CENPW: variants seen among roughly 807,000 people sequenced by gnomAD.
CENPW encodes the protein cancer-up-regulated gene 2 protein.
CENPW carries 3 observed loss-of-function variants against 11.1 expected under a neutral mutation model. The ratio of observed to expected loss-of-function variants is 0.27; its 90% confidence interval spans 0.12 to 0.70. CENPW has a LOEUF of 0.70. Among genes scored for constraint, CENPW ranks in the 30% least tolerant of loss-of-function variants. The pLI is 0.77. For synonymous variants in CENPW, 38 were observed against 42.0 expected (o/e 0.91, Z 0.37); for missense variants, 100 against 105.6 (o/e 0.95, Z 0.23).
chr6:126,413,216 A>G, the CENPW span, among the ~76,000 whole-genome samples: 1 of 152,196 alleles, frequency 6.6e-6, no homozygotes, highest in South Asian at 2.1e-4. Flanking sequence ...TTGGACATCC[A>G]TAACCAGGAA....
chr6:126,389,519 A>C, the CENPW span, among the ~76,000 whole-genome samples: 4 of 151,900 alleles, frequency 2.6e-5, no homozygotes, highest in Admixed American at 6.6e-5. Flanking sequence ...GCCTGTGAAT[A>C]CTAGTTTACA....
the CENPW span, among the ~76,000 whole-genome samples, chr6:126,459,456 G>A: frequency 6.6e-6 from 1 of 151,526 alleles, no homozygotes; most frequent in Non-Finnish European, 1.5e-5. Flanking sequence ...AATAAGATTA[G>A]AAAGTATCTA....
the CENPW span, among the ~76,000 whole-genome samples, chr6:126,455,050 C>T: frequency 4.0e-5 from 6 of 151,266 alleles, no homozygotes; most frequent in Non-Finnish European, 7.4e-5. Context: ...AGACCAATAA[C>T]GAGTTCCAAA....
chr6:126,375,817 C>G, the CENPW span, among the ~76,000 whole-genome samples: 1 of 152,132 alleles, frequency 6.6e-6, no homozygotes, highest in African/African-American at 2.4e-5. Flanking sequence ...GCCATCCAAT[C>G]CTTTACTCCT....
chr6:126,473,598 T>A, the CENPW span, among the ~76,000 whole-genome samples: 1 of 151,858 alleles, frequency 6.6e-6, no homozygotes, highest in Non-Finnish European at 1.5e-5. Context: ...TGGGTGGCAG[T>A]GGCACATGCT....
chr6:126,392,217 T>A, the CENPW span, among the ~76,000 whole-genome samples: 1 of 151,980 alleles, frequency 6.6e-6, no homozygotes, highest in African/African-American at 2.4e-5. Context: ...TGGTATTTAA[T>A]TTTATTTGTG....
At chr6:126,405,891 TG>T in the CENPW span, among the ~76,000 whole-genome samples, 14 of 151,732 alleles carry the variant, frequency 9.2e-5, no homozygotes, top group African/African-American at 2.4e-4. Flanking sequence ...GATTTTTTTG[TG>T]GGGGGGGTCT....
the CENPW span, among the ~76,000 whole-genome samples, chr6:126,366,149 ACT>A: frequency 6.6e-6 from 1 of 152,110 alleles, no homozygotes; most frequent in South Asian, 2.1e-4. Context: ...AAAACATTGG[ACT>A]CTAATATATG....
At chr6:126,455,173 CTA>C in the CENPW span, among the ~76,000 whole-genome samples, 2 of 151,296 alleles carry the variant, frequency 1.3e-5, no homozygotes, top group South Asian at 4.1e-4. Context: ...CCTATTGAAA[CTA>C]TTCTAAAAAA....
intron 1 of CENPW, among the ~76,000 whole-genome samples, chr6:126,341,480 C>G (rs1411249687): frequency 6.6e-6 from 1 of 152,142 alleles, no homozygotes. Flanking sequence ...ATAGAATTAT[C>G]GCCCCTTTCC....
the CENPW span, among the ~76,000 whole-genome samples, chr6:126,407,982 G>T: frequency 3.3e-5 from 5 of 152,040 alleles, no homozygotes; most frequent in Non-Finnish European, 7.4e-5. Flanking sequence ...TGCTTTTGGT[G>T]TTTTCGTCAT....
the CENPW span, among the ~76,000 whole-genome samples, chr6:126,474,614 A>C: frequency 6.6e-6 from 1 of 152,164 alleles, no homozygotes; most frequent in South Asian, 2.1e-4. Flanking sequence ...GCTGTAAGCC[A>C]CTATCATTCT....
At chr6:126,451,649 A>C in the CENPW span, among the ~76,000 whole-genome samples, 1 of 151,044 alleles carries the variant, frequency 6.6e-6, no homozygotes, top group African/African-American at 2.4e-5. Flanking sequence ...CCTTCTGATC[A>C]GTGGAGGCAT....
At chr6:126,340,440 G>C (rs777804656) in intron 1 of CENPW, 41 bp downstream of exon 1, 1 of 1,614,034 alleles carries the variant, frequency 6.2e-7, no homozygotes, top group East Asian at 2.2e-5. Flanking sequence ...TGGGGCACGG[G>C]AGAGGTAAGG....
the CENPW span, among the ~76,000 whole-genome samples, chr6:126,357,276 C>T: frequency 7.2e-5 from 11 of 152,084 alleles, no homozygotes; most frequent in African/African-American, 2.7e-4. Flanking sequence ...CTATTCTGTT[C>T]CATTGGTCTA....
chr6:126,393,225 T>A, the CENPW span, among the ~76,000 whole-genome samples: 1 of 151,828 alleles, frequency 6.6e-6, no homozygotes, highest in African/African-American at 2.4e-5. Context: ...GTTTATGTTT[T>A]AAAAAAATTA....
At chr6:126,349,171 CTT>C (rs979198910), downstream of CENPW, among the ~76,000 whole-genome samples, 1 of 151,936 alleles carries the variant, frequency 6.6e-6, no homozygotes, top group Non-Finnish European at 1.5e-5. Flanking sequence ...TTACTTTTAA[CTT>C]TTTATTTAGA....
the CENPW span, among the ~76,000 whole-genome samples, chr6:126,412,260 T>C: frequency 3.3e-5 from 5 of 151,626 alleles, no homozygotes; most frequent in Non-Finnish European, 7.4e-5. Context: ...AATGCTGAGA[T>C]TACAGGCATG....
At chr6:126,475,792 T>C in the CENPW span, among the ~76,000 whole-genome samples, 1 of 152,072 alleles carries the variant, frequency 6.6e-6, no homozygotes, top group Non-Finnish European at 1.5e-5. Context: ...TTATTATATA[T>C]GTGTTTATAA....
Sources: gnomAD v4.1 joint callset for allele counts (sites outside exome capture counted in the v4.1 genomes callset) on GRCh38, gnomAD v4.1.1 for gene constraint, MANE v1.5 for transcripts, NCBI Gene and HGNC (gene_info 2026-07-23, HGNC 2026-07-21) for gene names.